Variants in GIN1 observed in about 807,000 individuals in gnomAD.
GIN1 encodes gypsy retrotransposon integrase 1.
In GIN1, 41 loss-of-function variants were observed where a neutral mutation model predicts 51.4. That is an observed-to-expected ratio of 0.80 (90% CI 0.62 to 1.04). The LOEUF (loss-of-function observed/expected upper bound fraction) is 1.04, where lower values mean the gene tolerates loss of function less well. GIN1 is among the 50% of genes least tolerant of loss of function. GIN1 has a pLI of 0.00. For missense variants in GIN1, 610 were observed against 612.4 expected, an observed-to-expected ratio of 1.00 and a Z score of 0.04; for synonymous variants, 222 against 206.5, an observed-to-expected ratio of 1.07 and a Z score of -0.64.
chr5:103,109,903 G>C (rs1787826192), intron 1 of GIN1, among the ~76,000 whole-genome samples: 1 of 152,066 alleles, frequency 6.6e-6, no homozygotes, highest in Non-Finnish European at 1.5e-5. Context: ...ATACATCACT[G>C]TAATTGAACA....
rs376339815 is a variant in GIN1, at chr5:103,097,592, A to C, written c.829T>G (p.Leu277Val). The change falls in exon 5 of 8, where the codon TTG (leucine) becomes GTG (valine). Residue 277 changes from leucine to valine, a missense_variant and splice_region_variant. Transcript: ENST00000399004. The part of the protein sequence containing the change: ...AVSFAFNVTH[L>V]EPTKNTPYFQ... ...CAGAATTATAAAAAGGCACATACCAAGTGAGTTACATTGAAGGCAAATGAA... is the reference window on the plus strand; with the variant it reads ...CAGAATTATAAAAAGGCACATACCACGTGAGTTACATTGAAGGCAAATGAA... 6.3e-7 allele frequency: 1 copy of C among 1,593,540 alleles called. No individual in the cohort carries two copies. The highest frequency in any genetic ancestry group is 1.1e-5 in the South Asian group (1 of 90,648).
Position 103,106,907 on chromosome 5 carries a change from T to C in GIN1, c.142A>G (p.Lys48Glu), listed in dbSNP as rs782218411. ...RAAKKFVFKE[K>E]KLFYVGKDRK... is the part of the protein sequence containing the mutation. Reference sequence around the variant, plus strand: ...TCTTTTCCAACATAAAACAGCTTTTTTTCTGGAATAAATGATACCAAAAGA... The same window carrying C: ...TCTTTTCCAACATAAAACAGCTTTTCTTCTGGAATAAATGATACCAAAAGA... Residue 48 changes from lysine to glutamate, a missense_variant and splice_region_variant, in exon 3 of 8, where the codon AAA becomes GAA. Transcript: ENST00000399004. The C allele has an allele frequency of 3.9e-6, 6 of 1,536,498 alleles. No homozygotes were observed. The Admixed American group carries it at 8.3e-5, about 21-fold the overall frequency.
Position 103,097,689 on chromosome 5 carries a change from G to T in GIN1, c.732C>A (p.Asn244Lys). ...GTTTGGAGAGAAATGCTTTGATTGT[G>T]TTAGGTGTACTTTCCGTTGGGTTAA... ...GTVNPTESTP[N>K]TIKAFLSKHC... Residue 244 changes from asparagine (N) to lysine (K), a missense_variant, in exon 5 of 8, where the codon AAC becomes AAA. Asn to Lys is a moderately conservative substitution (Grantham distance 94). Transcript: ENST00000399004. 2 of 1,601,680 alleles carry T rather than the reference G, an allele frequency of 1.2e-6. No individual in the cohort carries two copies. The highest frequency in any genetic ancestry group is 2.2e-5 in the South Asian group (2 of 90,840).
At chr5:103,095,638 A>T (rs868937901) in intron 7 of GIN1, among the ~76,000 whole-genome samples, 1 of 152,228 alleles carries the variant, frequency 6.6e-6, no homozygotes, top group Admixed American at 6.5e-5. Context: ...ATACATTTGT[A>T]AGGCCAGGTG....
At chr5:103,119,148 T>C (rs1788236937) in intron 1 of GIN1, among the ~76,000 whole-genome samples, 1 of 152,208 alleles carries the variant, frequency 6.6e-6, no homozygotes, top group South Asian at 2.1e-4. Flanking sequence ...GTAAGGCAGT[T>C]AGGTATTATG....
At position 103,096,649 on chromosome 5, in the gene GIN1, T is replaced by G. The variant is rs1787401659; in HGVS notation, c.1186A>C (p.Ile396Leu). 6.2e-7 allele frequency: 1 copy of G among 1,613,834 alleles called. No homozygotes were observed. Among genetic ancestry groups the G allele is most frequent in the African/African-American group, 1.3e-5 (1 of 74,928 alleles). The change falls in exon 7 of 8, where the codon ATT (isoleucine) becomes CTT (leucine). Residue 396 changes from isoleucine (I) to leucine (L), a missense_variant. Ile to Leu is a conservative substitution (Grantham distance 5, BLOSUM62 2). Coordinates refer to ENST00000399004, the MANE Select transcript of GIN1 (RefSeq NM_017676.2). ...EWVGPCVIDY[I>L]TESGCAVLRD... ...AGGACAGCACATCCACTTTCTGTAA[T>G]ATAGTCTATGACACAAGGACCAACC...
At chr5:103,111,066 C>T (rs1270770293) in intron 1 of GIN1, among the ~76,000 whole-genome samples, 1 of 152,032 alleles carries the variant, frequency 6.6e-6, no homozygotes, top group Non-Finnish European at 1.5e-5. Context: ...ACTTCCTAAT[C>T]AATTTTCAAT....
rs1787125941 is a variant in GIN1 at position 103,087,996 on chromosome 5, T to C, written c.1471A>G (p.Thr491Ala). 6.2e-7 allele frequency: 1 copy of C among 1,601,598 alleles called. No individual in the cohort carries two copies. The highest frequency in any genetic ancestry group is 8.6e-7 in the Non-Finnish European group (1 of 1,169,124). Residue 491 changes from threonine to alanine, a missense_variant, in exon 8 of 8, where the codon ACG becomes GCG. Thr to Ala is a moderately conservative substitution (Grantham distance 58). Transcript: ENST00000399004. The stretch of plus-strand genomic sequence containing the variant: ...TCGTCTATCAATGGAGAGATTTTCG[T>C]ATTTCTATATTCTAATAGTTCACGA... Reference protein sequence around the residue: ...KDRELLEYRNTKISPLIDDHS... With the variant: ...KDRELLEYRNAKISPLIDDHS...
chr5:103,104,014 T>C (rs1787649866), intron 4 of GIN1, among the ~76,000 whole-genome samples: 1 of 151,988 alleles, frequency 6.6e-6, no homozygotes, highest in East Asian at 1.9e-4. Context: ...AGTGCAGTGG[T>C]GCAATCTTGG....
intron 1 of GIN1, among the ~76,000 whole-genome samples, chr5:103,109,655 A>T (rs918742224): frequency 3.1e-4 from 47 of 152,188 alleles, no homozygotes; most frequent in African/African-American, 1.1e-3. Flanking sequence ...CCTAAAAAAC[A>T]GGTTAATTAT....
intron 1 of GIN1, among the ~76,000 whole-genome samples, chr5:103,113,521 CTTTT>C (rs368036001): frequency 7.5e-6 from 1 of 132,542 alleles, no homozygotes. Flanking sequence ...AGTTCCACCT[CTTTT>C]TTTTTTTTTT....
intron 1 of GIN1, 132 bp from the exon 2 acceptor site, chr5:103,108,846 ATTGCAGTACAG>A (rs1274346437): frequency 1.6e-6 from 1 of 635,558 alleles, no homozygotes; most frequent in Non-Finnish European, 2.7e-6. Context: ...GAGGGAGATA[ATTGCAGTACAG>A]GAAAGGAACA....
At chr5:103,092,644 T>C (rs1554194663) in intron 7 of GIN1, among the ~76,000 whole-genome samples, 1 of 152,108 alleles carries the variant, frequency 6.6e-6, no homozygotes, top group African/African-American at 2.4e-5. Flanking sequence ...GAGTAACTAT[T>C]GGTTAAGAAA....
chr5:103,100,407 T>TTATTATTATTA (rs1562329803), intron 4 of GIN1, among the ~76,000 whole-genome samples: 5 of 149,458 alleles, frequency 3.3e-5, no homozygotes, highest in African/African-American at 1.0e-4. Flanking sequence ...TATTATTATT[T>TTATTATTATTA]TTTTGAGACA....
chr5:103,113,462 C>G (rs1413814898), intron 1 of GIN1, among the ~76,000 whole-genome samples: 1 of 151,572 alleles, frequency 6.6e-6, no homozygotes, highest in Non-Finnish European at 1.5e-5. Flanking sequence ...AATACAGGCA[C>G]TAATCCCATT....
At chr5:103,109,675 G>T (rs782276901) in intron 1 of GIN1, among the ~76,000 whole-genome samples, 1 of 152,106 alleles carries the variant, frequency 6.6e-6, no homozygotes, top group African/African-American at 2.4e-5. Context: ...TCTCTATAAA[G>T]TATTATAAGA....
At chr5:103,114,215 T>C (rs1332902580) in intron 1 of GIN1, among the ~76,000 whole-genome samples, 1 of 152,160 alleles carries the variant, frequency 6.6e-6, no homozygotes, top group Non-Finnish European at 1.5e-5. Flanking sequence ...AGTTACAAGA[T>C]TAGATTTCTA....
At chr5:103,095,030 C>T (rs1322869101) in intron 7 of GIN1, among the ~76,000 whole-genome samples, 1 of 152,134 alleles carries the variant, frequency 6.6e-6, no homozygotes, top group East Asian at 1.9e-4. Flanking sequence ...CTAAGCAGCC[C>T]ACATGGGCTT....
chr5:103,098,337 C>CAAA lies in GIN1; in HGVS notation c.640-557_640-556insTTT, dbSNP rs71755870. Among the ~76,000 whole-genome samples the CAAA allele has an allele frequency of 6.8e-3, 1,028 of 152,014 alleles. 7 individuals are homozygous for CAAA. Among genetic ancestry groups the CAAA allele is most frequent in the Non-Finnish European group, 0.013 (857 of 67,934 alleles). ...TTTACATTATTGTCATTAAACCTTA[C>CAAA]AAGTTTTTGAGGTATTATTAATTTC... On this transcript the variant is annotated intron_variant, in intron 4 of 7. Transcript: ENST00000399004.
Sources: gnomAD v4.1 joint callset for allele counts (sites outside exome capture counted in the v4.1 genomes callset) on GRCh38, gnomAD v4.1.1 for gene constraint, MANE v1.5 for transcripts, NCBI Gene and HGNC (gene_info 2026-07-23, HGNC 2026-07-21) for gene names.